ECH1: variants seen among roughly 807,000 people sequenced by gnomAD.
The protein encoded by ECH1 is delta(3,5)-Delta(2,4)-dienoyl-CoA isomerase, mitochondrial.
ECH1 carries 30 observed loss-of-function variants against 37.0 expected under a neutral mutation model. The ratio of observed to expected loss-of-function variants is 0.81; its 90% confidence interval spans 0.61 to 1.10. The LOEUF is 1.10. ECH1 is among the 50% of genes least tolerant of loss of function. ECH1 has a pLI of 0.00. For synonymous variants in ECH1, 178 were observed against 176.0 expected, an observed-to-expected ratio of 1.01 and a Z score of -0.09; for missense variants, 456 against 441.6, an observed-to-expected ratio of 1.03 and a Z score of -0.29.
rs1600010832 is a variant in ECH1 at position 38,816,938 on chromosome 19, C to G, written c.588+127G>C. ...TCACAACTTCACCTCTTGACTTCCT[C>G]TATGGGCAAGTCTTACTTTGTCGGG... On this transcript the variant is annotated intron_variant, in intron 6 of 9. Transcript: ENST00000221418. 9 of 1,107,154 alleles carry G rather than the reference C, an allele frequency of 8.1e-6. No homozygotes were observed. The East Asian group carries it at 2.3e-4, about 29-fold the overall frequency. 68.6% of individuals were successfully genotyped at this position (1,107,154 alleles called of 1,614,324 possible).
In ECH1 at chr19:38,815,621, T is replaced by C; in HGVS notation, c.979A>G (p.Lys327Glu). ...CTGGGACGCGAGGGCTCTCAGAGCT[T>C]GGAGAAGGTGACGGTTTTCAGTTCC... ...NKELKTVTFS[K>E]L The change falls in exon 10 of 10, where the codon AAG becomes GAG. Residue 327 changes from lysine (K) to glutamate (E), a missense_variant. By Grantham distance (56) the Lys-to-Glu change is moderately conservative. Transcript: ENST00000221418. 6.2e-7 allele frequency: 1 copy of C among 1,614,164 alleles called. No homozygotes were observed. The highest frequency in any genetic ancestry group is 8.5e-7 in the Non-Finnish European group (1 of 1,180,024).
At position 38,815,917 on chromosome 19, in the gene ECH1, G is replaced by A. The variant is rs770277115; in HGVS notation, c.822C>T (p.Ser274=). Residue 274 remains serine, a synonymous_variant, in exon 9 of 10, where the codon AGC becomes AGT. Transcript: ENST00000221418. ...ISSKSPVAVQ[S]TKVNLLYSRD... The stretch of plus-strand genomic sequence containing the variant: ...GGGAATACAGCAGGTTGACCTTGGT[G>A]CTCTGCACCGCCACGGGGCTCTTGC... 2 of 1,614,196 alleles carry A rather than the reference G, an allele frequency of 1.2e-6. No homozygotes were observed. Among genetic ancestry groups the A allele is most frequent in the East Asian group, 2.2e-5 (1 of 44,886 alleles).
In ECH1 at chr19:38,831,529, G is replaced by A. The variant is rs544007442; in HGVS notation, c.53-13C>T. On this transcript the variant is annotated splice_polypyrimidine_tract_variant and intron_variant, in intron 1 of 9. Transcript: ENST00000221418. ...GAGCCTGTCAGTCCTGGGGAGAAAG[G>A]AACAGCCTTTGATGACCCCAGACTG... is the stretch of plus-strand genomic sequence containing the variant. 3.5e-5 allele frequency: 56 copies of A among 1,609,734 alleles called. 1 individual carries two copies. The Middle Eastern group carries it at 1.2e-3, about 33-fold the overall frequency.
intron 3 of ECH1, among the ~76,000 whole-genome samples, chr19:38,821,428 C>T (rs1440289551): frequency 6.6e-6 from 1 of 152,264 alleles, no homozygotes; most frequent in African/African-American, 2.4e-5. Context: ...TGCTGCTGCA[C>T]TATGGGAGCC....
chr19:38,817,153 C>G (rs758295083), intron 5 of ECH1, 24 bp from the exon 6 acceptor site: 1 of 1,559,416 alleles, frequency 6.4e-7, no homozygotes, highest in Non-Finnish European at 8.7e-7. Context: ...GCCAGGGATG[C>G]TGAATGACCA....
intron 3 of ECH1, among the ~76,000 whole-genome samples, chr19:38,827,360 G>A (rs568420219): frequency 2.9e-4 from 44 of 152,078 alleles, no homozygotes; most frequent in Non-Finnish European, 4.3e-4. Context: ...ACCCTCCCAC[G>A]GACAACTACA....
chr19:38,818,096 G>A (rs1304746600), intron 3 of ECH1: 7 of 515,926 alleles, frequency 1.4e-5, no homozygotes, highest in South Asian at 8.4e-5. Context: ...GGGCTCAAGC[G>A]ATCCTCCCAC....
intron 3 of ECH1, among the ~76,000 whole-genome samples, chr19:38,825,334 A>G (rs1971723388): frequency 6.6e-6 from 1 of 152,220 alleles, no homozygotes; most frequent in South Asian, 2.1e-4. Context: ...GAAAAAGCCC[A>G]TGAATTATTC....
intron 3 of ECH1, among the ~76,000 whole-genome samples, chr19:38,825,027 C>A (rs1000209634): frequency 1.3e-5 from 2 of 152,178 alleles, no homozygotes; most frequent in African/African-American, 4.8e-5. Flanking sequence ...TACATACATG[C>A]CCTACAGGGT....
intron 1 of ECH1, 81 bp downstream of exon 1, chr19:38,831,640 C>T: frequency 6.3e-7 from 1 of 1,589,402 alleles, no homozygotes; most frequent in East Asian, 2.3e-5. Flanking sequence ...CCTTCGTGAC[C>T]CCGGATAGCC....
Position 38,815,539 on chromosome 19 carries a change from C to T in ECH1, c.*74G>A, listed in dbSNP as rs1038693730. ...CAGAAGGCATAGAAACAACTGTCAT[C>T]GCCCATCCTCCCTTTCTGTGGATGA... On this transcript the variant is annotated 3_prime_UTR_variant, in exon 10 of 10. Transcript: ENST00000221418. 2.1e-6 allele frequency: 3 copies of T among 1,422,068 alleles called. No homozygotes were observed. Among genetic ancestry groups the T allele is most frequent in the East Asian group, 2.3e-5 (1 of 43,862 alleles). 88.1% of individuals were successfully genotyped at this position (1,422,068 alleles called of 1,614,324 possible).
intron 6 of ECH1, 32 bp from the exon 7 acceptor site, chr19:38,816,555 C>T (rs1360520723): frequency 5.0e-6 from 8 of 1,611,720 alleles, no homozygotes; most frequent in Non-Finnish European, 5.1e-6. Context: ...TGTTTGGTTT[C>T]TGCCCAATAC....
intron 3 of ECH1, chr19:38,818,214 C>T (rs943509094): frequency 2.0e-6 from 2 of 985,088 alleles, no homozygotes; most frequent in African/African-American, 1.7e-5. Flanking sequence ...CCATGCTTTT[C>T]CCCAAGATGC....
Position 38,816,329 on chromosome 19 carries a change from G to T in ECH1, c.686C>A (p.Ala229Asp), listed in dbSNP as rs762812040. ...QSLVNELAFT[A>D]RKMMADEALG... is the part of the protein sequence containing the mutation. ...GGCCTCGTCAGCCATCATCTTGCGG[G>T]CGGTGAAGGCCAGCTCGTTGACCAG... is the stretch of plus-strand genomic sequence containing the variant. The change falls in exon 8 of 10, where the codon GCC becomes GAC. Residue 229 changes from alanine to aspartate, a missense_variant. By Grantham distance (126) the Ala-to-Asp change is moderately radical. Coordinates refer to ENST00000221418, the MANE Select transcript of ECH1 (RefSeq NM_001398.3). 5 of 1,613,706 alleles carry T rather than the reference G, an allele frequency of 3.1e-6. No homozygotes were observed. The African/African-American group carries it at 5.3e-5, about 17-fold the overall frequency.
Position 38,817,330 on chromosome 19 carries a change from C to G in ECH1, c.509G>C (p.Gly170Ala), listed in dbSNP as rs1971593124. 6.4e-7 allele frequency: 1 copy of G among 1,568,364 alleles called. No individual in the cohort carries two copies. Among genetic ancestry groups the G allele is most frequent in the Non-Finnish European group, 8.7e-7 (1 of 1,154,242 alleles). ...PKPVIAAVHG[G>A]CIGGGVDLVT... ...CGCAGACTCACCTCCGCCAATGCAG[C>G]CCCCATGGACGGCAGCAATCACGGG... Residue 170 changes from glycine (G) to alanine (A), a missense_variant, in exon 5 of 10, where the codon GGC becomes GCC. Gly to Ala is a moderately conservative substitution (Grantham distance 60). Transcript: ENST00000221418.
In ECH1 at chr19:38,817,543, G is replaced by C. The variant is rs774522956; in HGVS notation, c.382C>G (p.Leu128Val). 3.7e-6 allele frequency: 6 copies of C among 1,611,086 alleles called. No individual in the cohort carries two copies. The highest frequency in any genetic ancestry group is 1.7e-4 in the Middle Eastern group (1 of 6,046). ...GCCACATCATCTCCTTTGGGCTGCA[G>C]GATGTCCGAAGCCATGTCCATCAGG... ...IDLMDMASDILQPKGDDVARI... is the reference protein window; with the variant it reads ...IDLMDMASDIVQPKGDDVARI... The change falls in exon 4 of 10, where the codon CTG (leucine) becomes GTG (valine). Residue 128 changes from leucine (L) to valine (V), a missense_variant. Leu to Val is a conservative substitution (Grantham distance 32). Transcript: ENST00000221418.
Position 38,817,358 on chromosome 19 carries a change from T to G in ECH1, c.481A>C (p.Lys161Gln). Reference sequence around the variant, plus strand: ...CCATGGACGGCAGCAATCACGGGCTTGGGGCACTGAGAGGGAACAGGAAGA... The same window carrying G: ...CCATGGACGGCAGCAATCACGGGCTGGGGGCACTGAGAGGGAACAGGAAGA... Reference protein sequence around the residue: ...ETFNVIERCPKPVIAAVHGGC... With the variant: ...ETFNVIERCPQPVIAAVHGGC... The change falls in exon 5 of 10, where the codon AAG (lysine) becomes CAG (glutamine). Residue 161 changes from lysine to glutamine, a missense_variant. Lys to Gln is a moderately conservative substitution (Grantham distance 53). Coordinates refer to ENST00000221418, the MANE Select transcript of ECH1 (RefSeq NM_001398.3). The G allele has an allele frequency of 6.3e-7, 1 of 1,592,996 alleles. No individual in the cohort carries two copies. The highest frequency in any genetic ancestry group is 8.6e-7 in the Non-Finnish European group (1 of 1,169,448).
At chr19:38,819,938 C>A (rs1380567143) in intron 3 of ECH1, among the ~76,000 whole-genome samples, 1 of 151,086 alleles carries the variant, frequency 6.6e-6, no homozygotes, top group Non-Finnish European at 1.5e-5. Flanking sequence ...GGCGACAGAG[C>A]AAGACCCTGG....
Position 38,815,894 on chromosome 19 carries a change from G to A in ECH1, c.845C>T (p.Ser282Phe). The change falls in exon 9 of 10, where the codon TCC (serine) becomes TTC (phenylalanine). Residue 282 changes from serine (S) to phenylalanine (F), a missense_variant. By Grantham distance (155) the Ser-to-Phe change is radical. Coordinates refer to ENST00000221418, the MANE Select transcript of ECH1 (RefSeq NM_001398.3). ...VQSTKVNLLY[S>F]RDHSVAESLN... ...GCTCTCGGCCACCGAATGGTCGCGG[G>A]AATACAGCAGGTTGACCTTGGTGCT... The A allele has an allele frequency of 6.2e-7, 1 of 1,614,176 alleles. No homozygotes were observed.
Sources: allele counts gnomAD v4.1 joint callset (sites outside exome capture counted in the v4.1 genomes callset), GRCh38; gene constraint gnomAD v4.1.1; transcripts MANE v1.5; gene names NCBI Gene and HGNC (gene_info 2026-07-23, HGNC 2026-07-21).